The following DNAJC11 variants were observed in gnomAD, a reference collection of about 807,000 sequenced individuals.
The protein encoded by DNAJC11 is dnaJ homolog subfamily C member 11.
A neutral mutation model predicts 78.6 loss-of-function variants in DNAJC11; 15 were observed. The ratio of observed to expected loss-of-function variants is 0.19; its 90% CI spans 0.13 to 0.29. DNAJC11 has a LOEUF of 0.29. Ranked by LOEUF, DNAJC11 falls within the 10% of genes least tolerant of loss-of-function variation. DNAJC11 has a pLI of 1.00. For synonymous variants in DNAJC11, 292 were observed against 272.1 expected (o/e 1.07, Z -0.72); for missense variants, 547 against 709.6 (o/e 0.77, Z 2.60).
chr1:6,690,239 A>G (rs1642723517), intron 1 of DNAJC11, among the ~76,000 whole-genome samples: 1 of 152,224 alleles, frequency 6.6e-6, no homozygotes, highest in Non-Finnish European at 1.5e-5. Flanking sequence ...CATCCAAATT[A>G]TATAAGTAAC....
At chr1:6,698,082 C>T (rs1642867279) in intron 1 of DNAJC11, among the ~76,000 whole-genome samples, 1 of 152,164 alleles carries the variant, frequency 6.6e-6, no homozygotes, top group Admixed American at 6.5e-5. Flanking sequence ...GAGCCACGCG[C>T]CCAGCCTATG....
intron 3 of DNAJC11, among the ~76,000 whole-genome samples, chr1:6,668,502 C>A (rs554279234): frequency 6.6e-6 from 1 of 152,106 alleles, no homozygotes; most frequent in African/African-American, 2.4e-5. Context: ...AATATCAAGA[C>A]GAAGGCAAGC....
Position 6,660,574 on chromosome 1 carries a change from A to C in DNAJC11, c.379-6535T>G, listed in dbSNP as rs184161976. On this transcript the variant is annotated intron_variant, in intron 4 of 15. Coordinates refer to ENST00000377577, the MANE Select transcript of DNAJC11 (RefSeq NM_018198.4). ...TTCTCTGCGGAATGTTCACATTCCT[A>C]AAGTGTCTGGCACATTACAGGCACC... Among the ~76,000 whole-genome samples the C allele has an allele frequency of 8.2e-4, 125 of 152,332 alleles. 1 individual carries two copies. Among genetic ancestry groups the C allele is most frequent in the Non-Finnish European group, 1.5e-3 (104 of 68,034 alleles).
intron 3 of DNAJC11, among the ~76,000 whole-genome samples, chr1:6,671,157 G>T (rs745452558): frequency 6.6e-6 from 1 of 152,200 alleles, no homozygotes; most frequent in Non-Finnish European, 1.5e-5. Context: ...CCTCTACATA[G>T]CTCAGAGGAT....
intron 10 of DNAJC11, among the ~76,000 whole-genome samples, chr1:6,642,856 T>C (rs564647172): frequency 6.6e-6 from 1 of 151,946 alleles, no homozygotes; most frequent in South Asian, 2.1e-4. Flanking sequence ...ATATATGAGC[T>C]GGAGATTGAG....
At chr1:6,667,349 G>A (rs1051414803) in intron 4 of DNAJC11, among the ~76,000 whole-genome samples, 1 of 152,124 alleles carries the variant, frequency 6.6e-6, no homozygotes, top group Non-Finnish European at 1.5e-5. Context: ...GCCTGCCTCT[G>A]TCCTCTGATT....
chr1:6,698,180 A>C (rs996922601), intron 1 of DNAJC11, among the ~76,000 whole-genome samples: 3 of 151,858 alleles, frequency 2.0e-5, no homozygotes, highest in Non-Finnish European at 4.4e-5. Flanking sequence ...ACTCTACTGA[A>C]CATTGAGAGT....
chr1:6,659,796 G>A (rs1450313345), intron 4 of DNAJC11, among the ~76,000 whole-genome samples: 2 of 150,636 alleles, frequency 1.3e-5, no homozygotes, highest in East Asian at 2.0e-4. Flanking sequence ...GGTGGCTCAC[G>A]CCTGTAATCC....
At chr1:6,640,200 A>C in intron 10 of DNAJC11, 143 bp from the exon 11 acceptor site, 2 of 1,017,322 alleles carry the variant, frequency 2.0e-6, no homozygotes, top group Non-Finnish European at 2.8e-6. Flanking sequence ...TGCTCCTTTC[A>C]CAGTCCACCA....
Position 6,652,847 on chromosome 1 carries a change from C to G in DNAJC11, c.612G>C (p.Ser204=). ...SINFALRRVT[S]AKGWGELEFG... is the part of the protein sequence containing the mutation. ...TTCTTACCTCTCCCCATCCCTTTGC[C>G]GAAGTTACTCGTCTGAGCGCAAAGT... Residue 204 remains serine (S), a synonymous_variant, in exon 6 of 16, where the codon TCG becomes TCC. Coordinates refer to ENST00000377577, the MANE Select transcript of DNAJC11 (RefSeq NM_018198.4). The G allele has an allele frequency of 6.2e-7, 1 of 1,614,130 alleles. No homozygotes were observed. The highest frequency in any genetic ancestry group is 2.2e-5 in the East Asian group (1 of 44,874).
rs544771103 is a variant in DNAJC11 at position 6,655,775 on chromosome 1, C to G, written c.379-1736G>C. Among the ~76,000 whole-genome samples the G allele has an allele frequency of 3.9e-5, 6 of 152,024 alleles. No homozygotes were observed. In the South Asian group the frequency reaches 6.2e-4, roughly 16 times the overall value. On this transcript the variant is annotated intron_variant, in intron 4 of 15. Transcript: ENST00000377577. ...AGTGAGCCAAGATTGCGCCACTGCA[C>G]TCCAGCATGGGTGACAGAGCAAGAC... is the stretch of plus-strand genomic sequence containing the variant.
At chr1:6,663,336 C>A (rs1456329730) in intron 4 of DNAJC11, among the ~76,000 whole-genome samples, 1 of 152,194 alleles carries the variant, frequency 6.6e-6, no homozygotes. Context: ...CTGCTCCACA[C>A]AGGATCTAAA....
Position 6,680,894 on chromosome 1 carries a change from G to A in DNAJC11, c.202+14C>T, listed in dbSNP as rs772955677. ...TTACCAGGATGTTTCTACAAAGTCC[G>A]GCCCTCCACTGACCTTCATAAGCCT... On this transcript the variant is annotated intron_variant, in intron 2 of 15. Coordinates refer to ENST00000377577, the MANE Select transcript of DNAJC11 (RefSeq NM_018198.4). The surrounding 1 kb of genome is among the most constrained non-coding windows in gnomAD (Gnocchi z 4.0). 7.5e-6 allele frequency: 12 copies of A among 1,610,532 alleles called. No individual in the cohort carries two copies. Among genetic ancestry groups the A allele is most frequent in the East Asian group, 4.5e-5 (2 of 44,818 alleles).
intron 1 of DNAJC11, among the ~76,000 whole-genome samples, chr1:6,686,788 A>G (rs1308472638): frequency 6.6e-6 from 1 of 152,284 alleles, no homozygotes; most frequent in Non-Finnish European, 1.5e-5. Flanking sequence ...GCATGCAAAT[A>G]ACAACTTAAT....
rs1296722125 is a variant in DNAJC11, at chr1:6,634,202, C to CT, written c.*1472dup. Reference sequence around the variant, plus strand: ...AGGAAAGGTTTATTGTGGTGAGTGCCTTCTGTACAGTCGACTGCAAATGAA... The same window carrying CT: ...AGGAAAGGTTTATTGTGGTGAGTGCCTTTCTGTACAGTCGACTGCAAATGAA... On this transcript the variant is annotated 3_prime_UTR_variant, in exon 16 of 16. Transcript: ENST00000377577. 1.9e-6 allele frequency: 2 copies of CT among 1,049,674 alleles called. No individual in the cohort carries two copies. Among genetic ancestry groups the CT allele is most frequent in the African/African-American group, 1.6e-5 (1 of 63,302 alleles). 65.0% of individuals were successfully genotyped at this position (1,049,674 alleles called of 1,614,324 possible). A position where few individuals can be genotyped will look rare whatever the true frequency, so the allele number is the denominator to read the frequency against.
chr1:6,637,881 G>A, intron 12 of DNAJC11: 1 of 415,524 alleles, frequency 2.4e-6, no homozygotes, highest in Non-Finnish European at 4.4e-6. Flanking sequence ...AGCTCCTCTT[G>A]AGAAAGGACC....
intron 1 of DNAJC11, among the ~76,000 whole-genome samples, chr1:6,693,500 C>T (rs186143847): frequency 3.9e-5 from 6 of 152,242 alleles, no homozygotes; most frequent in African/African-American, 9.6e-5. Context: ...TCTCTTGCCT[C>T]AGCCTCCCGA....
At chr1:6,651,927 C>T (rs547134997) in intron 6 of DNAJC11, among the ~76,000 whole-genome samples, 16 of 149,236 alleles carry the variant, frequency 1.1e-4, no homozygotes, top group Non-Finnish European at 2.2e-4. Flanking sequence ...CCCCTCCCGG[C>T]GCAGCCCCCC....
At chr1:6,700,235 AC>A (rs1484553827) in intron 1 of DNAJC11, among the ~76,000 whole-genome samples, 2 of 152,160 alleles carry the variant, frequency 1.3e-5, no homozygotes, top group Non-Finnish European at 2.9e-5. Context: ...CCCCCTGCCC[AC>A]AAAAAATTGC....
Sources: allele counts gnomAD v4.1 joint callset (sites outside exome capture counted in the v4.1 genomes callset), GRCh38; gene constraint gnomAD v4.1.1; non-coding constraint Gnocchi (gnomAD v3.1); transcripts MANE v1.5; gene names NCBI Gene and HGNC (gene_info 2026-07-23, HGNC 2026-07-21).